Variants in ZNF609 observed in about 807,000 individuals in gnomAD.
The protein encoded by ZNF609 is zinc finger protein 609.
A neutral mutation model predicts 109.5 loss-of-function variants in ZNF609; 11 were observed. The observed-to-expected ratio is 0.10, with a 90% CI of 0.06 to 0.17. The LOEUF is 0.17. ZNF609 is among the 10% of genes least tolerant of loss of function. The pLI is 1.00. For synonymous variants in ZNF609, 646 were observed against 662.0 expected (o/e 0.98, Z 0.37); for missense variants, 1,559 against 1,772.4 (o/e 0.88, Z 2.16).
intron 2 of ZNF609, among the ~76,000 whole-genome samples, chr15:64,608,433 A>G (rs1021457228): frequency 2.0e-5 from 3 of 152,078 alleles, no homozygotes; most frequent in Non-Finnish European, 2.9e-5. Context: ...GCATTCACCT[A>G]TTGTGTTCAG....
chr15:64,514,410 TCA>T (rs1314616110), intron 2 of ZNF609, among the ~76,000 whole-genome samples: 1 of 152,190 alleles, frequency 6.6e-6, no homozygotes, highest in African/African-American at 2.4e-5. Flanking sequence ...TTCATGTTCT[TCA>T]CAGTGTCCAC....
At chr15:64,462,605 T>C (rs1892959790) in intron 1 of ZNF609, among the ~76,000 whole-genome samples, 1 of 151,938 alleles carries the variant, frequency 6.6e-6, no homozygotes, top group South Asian at 2.1e-4. Flanking sequence ...CCTGTTTCTT[T>C]AAAAATAAAA....
chr15:64,674,533 C>A lies in ZNF609; in HGVS notation c.1679C>A (p.Ser560Tyr). The change falls in exon 5 of 10, where the codon TCC (serine) becomes TAC (tyrosine). Residue 560 changes from serine (S) to tyrosine (Y), a missense_variant. Around this residue, in one of 4 missense-constraint regions of ZNF609, gnomAD observed 1,204 missense variants for 1,314.1 expected, o/e 0.92. Coordinates refer to ENST00000326648, the MANE Select transcript of ZNF609 (RefSeq NM_015042.2). ...GASVSQKGSL[S>Y]PARSATPKVR... Reference sequence around the variant, plus strand: ...TCTGTCTCACAAAAAGGTTCCTTGTCCCCTGCCCGCTCAGCTACCCCCAAA... The same window carrying A: ...TCTGTCTCACAAAAAGGTTCCTTGTACCCTGCCCGCTCAGCTACCCCCAAA... The A allele has an allele frequency of 6.2e-7, 1 of 1,614,064 alleles. No individual in the cohort carries two copies. The highest frequency in any genetic ancestry group is 8.5e-7 in the Non-Finnish European group (1 of 1,179,998).
At chr15:64,561,051 T>G (rs1244540454) in intron 2 of ZNF609, among the ~76,000 whole-genome samples, 2 of 152,156 alleles carry the variant, frequency 1.3e-5, no homozygotes, top group Admixed American at 6.6e-5. Flanking sequence ...ATCTTACCAT[T>G]ATTCCCATTC....
intron 3 of ZNF609, among the ~76,000 whole-genome samples, chr15:64,639,651 A>G (rs1478039064): frequency 3.9e-5 from 6 of 152,130 alleles, no homozygotes; most frequent in Non-Finnish European, 1.5e-5. Flanking sequence ...TAAAGACCCT[A>G]TTTCCAAATA....
At chr15:64,460,517 A>G (rs912571537), upstream of ZNF609, among the ~76,000 whole-genome samples, 1 of 151,932 alleles carries the variant, frequency 6.6e-6, no homozygotes, top group African/African-American at 2.4e-5. Flanking sequence ...GACTCCACAC[A>G]AGCGCGGAAT....
chr15:64,525,074 T>C (rs1389010273), intron 2 of ZNF609, among the ~76,000 whole-genome samples: 1 of 152,224 alleles, frequency 6.6e-6, no homozygotes, highest in Non-Finnish European at 1.5e-5. Context: ...GACTAATGAT[T>C]CAGAACATCT....
chr15:64,568,320 C>T (rs899876544), intron 2 of ZNF609, among the ~76,000 whole-genome samples: 4 of 152,144 alleles, frequency 2.6e-5, no homozygotes, highest in Non-Finnish European at 4.4e-5. Context: ...CCTACACCCC[C>T]GAAAACCTTA....
intron 7 of ZNF609, 107 bp from the exon 8 acceptor site, chr15:64,680,539 G>A: frequency 3.1e-6 from 4 of 1,288,372 alleles, no homozygotes; most frequent in South Asian, 2.8e-5. Context: ...GGGGTCATAA[G>A]GTGGCACCCT....
At chr15:64,568,285 A>G (rs373048575) in intron 2 of ZNF609, among the ~76,000 whole-genome samples, 8 of 152,116 alleles carry the variant, frequency 5.3e-5, no homozygotes, top group African/African-American at 1.9e-4. Flanking sequence ...CCACTTTTAA[A>G]TTTGTTTCTC....
chr15:64,662,027 G>T (rs117978234), intron 3 of ZNF609, among the ~76,000 whole-genome samples: 501 of 150,612 alleles, frequency 3.3e-3, no homozygotes, highest in Middle Eastern at 6.8e-3. Context: ...GGTCTCTCAT[G>T]AGGTTGTAGT....
chr15:64,528,656 G>C, intron 2 of ZNF609: 1 of 1,088,848 alleles, frequency 9.2e-7, no homozygotes, highest in Non-Finnish European at 1.4e-6. Context: ...TGGGCTGGTG[G>C]TCCAGGGGTC....
intron 1 of ZNF609, among the ~76,000 whole-genome samples, chr15:64,481,319 CTTTT>C (rs889184379): frequency 1.6e-5 from 2 of 127,264 alleles, no homozygotes; most frequent in African/African-American, 3.0e-5. Context: ...TTTCTTTTTT[CTTTT>C]TTTTTTTTTT....
intron 2 of ZNF609, among the ~76,000 whole-genome samples, chr15:64,569,032 C>T (rs1894821912): frequency 1.3e-5 from 2 of 152,182 alleles, no homozygotes; most frequent in Admixed American, 6.5e-5. Context: ...ATGAAGCTTG[C>T]TCTATGTATA....
chr15:64,668,904 A>T (rs181407772), intron 3 of ZNF609, among the ~76,000 whole-genome samples: 264 of 146,366 alleles, frequency 1.8e-3, no homozygotes, highest in Middle Eastern at 3.5e-3. Context: ...GTGAGCGGAG[A>T]TCACACCATT....
intron 3 of ZNF609, among the ~76,000 whole-genome samples, chr15:64,655,575 C>T (rs1896477958): frequency 6.6e-6 from 1 of 152,052 alleles, no homozygotes; most frequent in South Asian, 2.1e-4. Context: ...GCCTGTAATC[C>T]CAGCACTTTG....
At position 64,470,944 on chromosome 15, in the gene ZNF609, C is replaced by G. The variant is rs1239392612; in HGVS notation, c.-128+10106C>G. Among the ~76,000 whole-genome samples the G allele has an allele frequency of 2.6e-5, 4 of 152,308 alleles. No homozygotes were observed. In the South Asian group the frequency reaches 8.3e-4, roughly 32 times the overall value. On this transcript the variant is annotated intron_variant, in intron 1 of 9. Coordinates refer to ENST00000326648, the MANE Select transcript of ZNF609 (RefSeq NM_015042.2). ...GGACTTCGAGTAGCAGCTATTAATA[C>G]TTATTGAATAGTAAGAGGATGCTGG...
chr15:64,608,641 C>T (rs1488777849), intron 2 of ZNF609, among the ~76,000 whole-genome samples: 2 of 152,142 alleles, frequency 1.3e-5, no homozygotes, highest in African/African-American at 2.4e-5. Flanking sequence ...CCCCTGCCCA[C>T]CCCTAATCCC....
At chr15:64,610,445 A>T (rs1895698548) in intron 2 of ZNF609, among the ~76,000 whole-genome samples, 1 of 152,156 alleles carries the variant, frequency 6.6e-6, no homozygotes, top group Non-Finnish European at 1.5e-5. Context: ...GTTTACCTGT[A>T]TAACAAACCT....
Sources: allele counts gnomAD v4.1 joint callset (sites outside exome capture counted in the v4.1 genomes callset), GRCh38; gene constraint gnomAD v4.1.1; regional missense constraint gnomAD v4.1.1; transcripts MANE v1.5; gene names NCBI Gene and HGNC (gene_info 2026-07-23, HGNC 2026-07-21).